Variants in DLG2 observed in about 807,000 individuals in gnomAD.
DLG2 encodes discs large MAGUK scaffold protein 2.
Under a neutral mutation model 132.5 loss-of-function variants are expected in DLG2, and 45 were observed. The ratio of observed to expected loss-of-function variants is 0.34; its 90% confidence interval spans 0.27 to 0.44. The LOEUF (loss-of-function observed/expected upper bound fraction) is 0.44, where lower values mean the gene tolerates loss of function less well. Among genes scored for constraint, DLG2 ranks in the 20% least tolerant of loss-of-function variants. DLG2 has a pLI of 1.00. For missense variants in DLG2, 1,045 were observed against 1,196.9 expected, an observed-to-expected ratio of 0.87 and a Z score of 1.87; for synonymous variants, 424 against 419.6, an observed-to-expected ratio of 1.01 and a Z score of -0.13.
intron 22 of DLG2, chr11:83,480,250 T>G: frequency 1.3e-6 from 1 of 782,932 alleles, no homozygotes; most frequent in Non-Finnish European, 2.1e-6. Flanking sequence ...TTCAAGCCAT[T>G]TGCTTTGAAT....
At chr11:85,121,287 AT>A (rs1204710565) in intron 5 of DLG2, among the ~76,000 whole-genome samples, 1 of 151,732 alleles carries the variant, frequency 6.6e-6, no homozygotes, top group Non-Finnish European at 1.5e-5. Flanking sequence ...GAATAACATC[AT>A]TTTTTAATTT....
chr11:83,542,156 CT>C (rs2096089105), intron 19 of DLG2, among the ~76,000 whole-genome samples: 1 of 152,094 alleles, frequency 6.6e-6, no homozygotes, highest in African/African-American at 2.4e-5. Flanking sequence ...AAGAAAGGTA[CT>C]TTACTACCTA....
At chr11:84,340,266 C>T (rs991451534) in intron 7 of DLG2, among the ~76,000 whole-genome samples, 2 of 152,226 alleles carry the variant, frequency 1.3e-5, no homozygotes, top group African/African-American at 4.8e-5. Context: ...CTACTGTCCA[C>T]ACTGCCCCAG....
At chr11:85,523,278 T>C (rs1262186678) in intron 3 of DLG2, among the ~76,000 whole-genome samples, 1 of 152,182 alleles carries the variant, frequency 6.6e-6, no homozygotes, top group Non-Finnish European at 1.5e-5. Context: ...CCTCCCACCA[T>C]GATTATAAGT....
At chr11:83,763,421 C>T (rs986691927) in intron 18 of DLG2, among the ~76,000 whole-genome samples, 2 of 152,114 alleles carry the variant, frequency 1.3e-5, no homozygotes, top group African/African-American at 4.8e-5. Flanking sequence ...TAGTGTGAAT[C>T]AAGATTGTTT....
intron 21 of DLG2, among the ~76,000 whole-genome samples, chr11:83,498,299 T>G (rs1248038544): frequency 1.3e-5 from 2 of 152,096 alleles, no homozygotes; most frequent in African/African-American, 2.4e-5. Context: ...CCAATTTTAA[T>G]AGTAATAGAC....
chr11:83,485,934 T>G (rs551118385), intron 21 of DLG2, among the ~76,000 whole-genome samples: 29 of 152,224 alleles, frequency 1.9e-4, no homozygotes, highest in African/African-American at 4.8e-4. Flanking sequence ...ATTAATAAGG[T>G]TTTATGAAAA....
At position 84,097,036 on chromosome 11, in the gene DLG2, T is replaced by C. The variant is rs142457622; in HGVS notation, c.749+1887A>G. 9.3e-3 allele frequency among the ~76,000 whole-genome samples: 1,418 copies of C among 152,324 alleles called. 14 individuals carry two copies. Among genetic ancestry groups the C allele is most frequent in the Non-Finnish European group, 0.012 (826 of 68,034 alleles). ...ATAAGAAAAACAGCAAAGTAGCTTA[T>C]ATGCTTAATGAAAAAACAGACTGAG... On this transcript the variant is annotated intron_variant, in intron 10 of 27. Transcript: ENST00000376104.
At chr11:85,597,915 T>C (rs972526923) in intron 3 of DLG2, among the ~76,000 whole-genome samples, 3 of 151,588 alleles carry the variant, frequency 2.0e-5, no homozygotes, top group South Asian at 2.1e-4. Context: ...TTGGGAAAAG[T>C]ATTTGTTTAT....
chr11:83,917,651 C>T (rs78446043), intron 15 of DLG2, among the ~76,000 whole-genome samples: 3,410 of 152,194 alleles, frequency 0.022, 131 homozygotes, highest in African/African-American at 0.078. Context: ...CCAGTTCTTC[C>T]GCACATATCC....
rs566857461 is a variant in DLG2 at position 84,722,358 on chromosome 11, G to A, written c.358-187627C>T. Among the ~76,000 whole-genome samples the A allele has an allele frequency of 2.0e-5, 3 of 152,236 alleles. No individual in the cohort carries two copies. The South Asian group carries it at 6.2e-4, about 32-fold the overall frequency. ...CCACCTATATCCGAAACTAATAAGAGCCTCAATATCATGGTATGCTTCCTC... is the reference window on the plus strand; with the variant it reads ...CCACCTATATCCGAAACTAATAAGAACCTCAATATCATGGTATGCTTCCTC... On this transcript the variant is annotated intron_variant, in intron 6 of 27. Transcript: ENST00000376104.
intron 9 of DLG2, among the ~76,000 whole-genome samples, chr11:84,112,738 A>G (rs974729593): frequency 1.3e-5 from 2 of 152,056 alleles, no homozygotes; most frequent in Non-Finnish European, 2.9e-5. Context: ...TCCTTTACCA[A>G]CCTTGACTAG....
chr11:83,673,079 C>T (rs1177110958), intron 18 of DLG2, among the ~76,000 whole-genome samples: 3 of 151,874 alleles, frequency 2.0e-5, no homozygotes, highest in Non-Finnish European at 1.5e-5. Context: ...CAAAACAAAG[C>T]AAAACAAAAC....
chr11:85,475,526 T>A (rs1159556368), intron 3 of DLG2, among the ~76,000 whole-genome samples: 1 of 152,014 alleles, frequency 6.6e-6, no homozygotes, highest in Non-Finnish European at 1.5e-5. Context: ...GCAAGGATGC[T>A]TTGCTAATAT....
chr11:84,867,277 G>A (rs189868881), intron 6 of DLG2, among the ~76,000 whole-genome samples: 251 of 152,300 alleles, frequency 1.6e-3, no homozygotes, highest in Non-Finnish European at 2.9e-3. Flanking sequence ...ACACGTGCTG[G>A]AAGTGTCTGA....
At chr11:84,717,517 C>T (rs2061362995) in intron 6 of DLG2, among the ~76,000 whole-genome samples, 1 of 149,494 alleles carries the variant, frequency 6.7e-6, no homozygotes, top group Admixed American at 6.6e-5. Context: ...TAAATATTTG[C>T]TGATCAAATG....
chr11:84,093,869 C>T (rs763551965), intron 10 of DLG2, among the ~76,000 whole-genome samples: 1 of 152,086 alleles, frequency 6.6e-6, no homozygotes, highest in East Asian at 1.9e-4. Flanking sequence ...CCTGCCTCAG[C>T]CTCCCAAAGT....
intron 7 of DLG2, among the ~76,000 whole-genome samples, chr11:84,358,660 A>T (rs1468033211): frequency 6.6e-6 from 1 of 151,866 alleles, no homozygotes; most frequent in Non-Finnish European, 1.5e-5. Context: ...GGACACAGTG[A>T]AGAGGTGAGA....
chr11:85,626,836 T>A (rs1231706887), intron 1 of DLG2, 83 bp from the exon 2 acceptor site: 1 of 152,340 alleles, frequency 6.6e-6, no homozygotes, highest in East Asian at 1.9e-4. Context: ...AGCAACGTAA[T>A]TTTTTAGTTT....
Sources: gnomAD v4.1 joint callset for allele counts (sites outside exome capture counted in the v4.1 genomes callset) on GRCh38, gnomAD v4.1.1 for gene constraint, MANE v1.5 for transcripts, NCBI Gene and HGNC (gene_info 2026-07-23, HGNC 2026-07-21) for gene names.